The following EXOC4 variants were observed in gnomAD, a reference collection of about 807,000 sequenced individuals.
EXOC4 encodes the protein exocyst complex component 4, also known as SEC8-like 1.
EXOC4 carries 71 observed loss-of-function variants against 107.2 expected under a neutral mutation model. That is an observed-to-expected ratio of 0.66 (90% CI 0.55 to 0.81). EXOC4 has a LOEUF of 0.81. Among genes scored for constraint, EXOC4 ranks in the 30% least tolerant of loss-of-function variants. EXOC4 has a pLI of 0.00. For synonymous variants in EXOC4, 456 were observed against 441.2 expected (o/e 1.03, Z -0.42); for missense variants, 1,108 against 1,189.6 (o/e 0.93, Z 1.01).
chr7:133,980,708 T>G (rs1585297513), intron 14 of EXOC4, among the ~76,000 whole-genome samples: 2 of 152,212 alleles, frequency 1.3e-5, no homozygotes, highest in African/African-American at 4.8e-5. Flanking sequence ...TGATTGCTTC[T>G]CCATGTAGCT....
At chr7:133,647,592 C>A (rs1368988070) in intron 10 of EXOC4, among the ~76,000 whole-genome samples, 3 of 152,076 alleles carry the variant, frequency 2.0e-5, no homozygotes, top group African/African-American at 7.2e-5. Context: ...ACTCTTACCT[C>A]CAACTCTATG....
At chr7:133,968,692 G>C (rs1191975330) in intron 14 of EXOC4, among the ~76,000 whole-genome samples, 2 of 152,110 alleles carry the variant, frequency 1.3e-5, no homozygotes, top group African/African-American at 4.8e-5. Context: ...GGCTTGTTGG[G>C]TTGCTGCGGA....
intron 7 of EXOC4, among the ~76,000 whole-genome samples, chr7:133,462,309 G>A (rs1461617549): frequency 6.6e-6 from 1 of 152,066 alleles, no homozygotes; most frequent in Non-Finnish European, 1.5e-5. Flanking sequence ...TACTGGTGGG[G>A]GATATTGACC....
intron 7 of EXOC4, among the ~76,000 whole-genome samples, chr7:133,379,991 A>G (rs1224462966): frequency 1.3e-5 from 2 of 151,808 alleles, no homozygotes; most frequent in East Asian, 1.9e-4. Flanking sequence ...GTAGTTTCAA[A>G]TGAGTGATTT....
chr7:134,092,920 C>T, the EXOC4 span, among the ~76,000 whole-genome samples: 1 of 96,514 alleles, frequency 1.0e-5, no homozygotes, highest in Non-Finnish European at 1.9e-5. Context: ...GAGACTCCAT[C>T]TCAAAAAAAA....
At chr7:133,608,307 A>G (rs1290738309) in intron 9 of EXOC4, among the ~76,000 whole-genome samples, 1 of 152,046 alleles carries the variant, frequency 6.6e-6, no homozygotes, top group Non-Finnish European at 1.5e-5. Context: ...TTGTTTGATT[A>G]CCCCATTTGA....
At chr7:133,500,209 A>G (rs966702277) in intron 9 of EXOC4, among the ~76,000 whole-genome samples, 2 of 152,200 alleles carry the variant, frequency 1.3e-5, no homozygotes, top group African/African-American at 4.8e-5. Context: ...TTTGGAGGAT[A>G]TATACACCTG....
At chr7:133,515,560 C>T (rs984399842) in intron 9 of EXOC4, among the ~76,000 whole-genome samples, 1 of 152,022 alleles carries the variant, frequency 6.6e-6, no homozygotes, top group Non-Finnish European at 1.5e-5. Flanking sequence ...GGTAGAACTC[C>T]TGGGCTCAAG....
intron 7 of EXOC4, among the ~76,000 whole-genome samples, chr7:133,461,630 G>T (rs1798596083): frequency 6.6e-6 from 1 of 152,136 alleles, no homozygotes; most frequent in Non-Finnish European, 1.5e-5. Context: ...GGTCGTTAGG[G>T]TGGCACTTAT....
the EXOC4 span, among the ~76,000 whole-genome samples, chr7:134,089,018 A>G: frequency 0.012 from 1,822 of 152,244 alleles, 47 homozygotes; most frequent in African/African-American, 0.042. Context: ...ATAAGATAAG[A>G]TTTTCATAAA....
At chr7:133,869,637 T>A (rs181352106) in intron 11 of EXOC4, among the ~76,000 whole-genome samples, 92 of 152,354 alleles carry the variant, frequency 6.0e-4, no homozygotes, top group African/African-American at 2.1e-3. Flanking sequence ...AGACTTACTC[T>A]ATTTGTATCC....
chr7:133,579,475 G>A (rs985647811), intron 9 of EXOC4, among the ~76,000 whole-genome samples: 1 of 151,962 alleles, frequency 6.6e-6, no homozygotes, highest in Admixed American at 6.6e-5. Context: ...TCATTTAGTT[G>A]CTTCAATTGA....
At chr7:133,255,349 G>C (rs1214697100) in intron 1 of EXOC4, among the ~76,000 whole-genome samples, 2 of 151,946 alleles carry the variant, frequency 1.3e-5, no homozygotes, top group African/African-American at 4.8e-5. Flanking sequence ...CCTAATTTTT[G>C]TATTTTTGGT....
At chr7:134,033,686 C>A (rs1355882734) in intron 17 of EXOC4, among the ~76,000 whole-genome samples, 1 of 152,108 alleles carries the variant, frequency 6.6e-6, no homozygotes, top group Non-Finnish European at 1.5e-5. Flanking sequence ...ATATTAAGAG[C>A]CTGTTGGGTG....
At chr7:133,642,346 G>A (rs1802877999) in intron 10 of EXOC4, among the ~76,000 whole-genome samples, 1 of 152,096 alleles carries the variant, frequency 6.6e-6, no homozygotes, top group Non-Finnish European at 1.5e-5. Context: ...TTTACACGTA[G>A]AAGATTATCT....
At chr7:133,938,173 C>T (rs1800348085) in intron 14 of EXOC4, 104 bp downstream of exon 14, 1 of 1,109,936 alleles carries the variant, frequency 9.0e-7, no homozygotes, top group African/African-American at 1.6e-5. Flanking sequence ...GGGGGCGTGT[C>T]CCAAGCTGTC....
chr7:133,904,679 G>A (rs575278536), intron 12 of EXOC4, among the ~76,000 whole-genome samples: 1 of 152,262 alleles, frequency 6.6e-6, no homozygotes, highest in African/African-American at 2.4e-5. Context: ...TCAGGATTGG[G>A]AAAAGTATTC....
intron 11 of EXOC4, among the ~76,000 whole-genome samples, chr7:133,843,956 A>T (rs1798071521): frequency 6.6e-6 from 1 of 152,260 alleles, no homozygotes; most frequent in Non-Finnish European, 1.5e-5. Flanking sequence ...TTATGTGATG[A>T]ACTCACATTT....
intron 7 of EXOC4, among the ~76,000 whole-genome samples, chr7:133,429,165 C>T (rs980359966): frequency 2.0e-4 from 30 of 152,018 alleles, no homozygotes; most frequent in Middle Eastern, 3.4e-3. Flanking sequence ...ACTGAAAGAA[C>T]GAAGTCTTAG....
Sources: gnomAD v4.1 joint callset for allele counts (sites outside exome capture counted in the v4.1 genomes callset) on GRCh38, gnomAD v4.1.1 for gene constraint, MANE v1.5 for transcripts, NCBI Gene and HGNC (gene_info 2026-07-23, HGNC 2026-07-21) for gene names.